FAM234A: variants seen among roughly 807,000 people sequenced by gnomAD.
FAM234A encodes the protein protein FAM234A.
Under a neutral mutation model 49.1 loss-of-function variants are expected in FAM234A, and 42 were observed. The ratio of observed to expected loss-of-function variants is 0.86; its 90% CI spans 0.67 to 1.11. FAM234A has a LOEUF of 1.11. Among genes scored for constraint, FAM234A ranks in the 50% least tolerant of loss-of-function variants. FAM234A has a pLI of 0.00. For synonymous variants in FAM234A, 369 were observed against 316.2 expected, an observed-to-expected ratio of 1.17 and a Z score of -1.77; for missense variants, 815 against 745.2, an observed-to-expected ratio of 1.09 and a Z score of -1.09.
intron 8 of FAM234A, among the ~76,000 whole-genome samples, chr16:263,051 C>G (rs916193478): frequency 6.6e-6 from 1 of 152,072 alleles, no homozygotes; most frequent in Non-Finnish European, 1.5e-5. Flanking sequence ...AACTTCTGAC[C>G]TCGTGATCCG....
At chr16:259,423 T>C in intron 3 of FAM234A, 60 bp from the exon 4 acceptor site, 2 of 968,954 alleles carry the variant, frequency 2.1e-6, no homozygotes, top group Non-Finnish European at 1.7e-6. Flanking sequence ...GTGCTGGACC[T>C]GATCGTTCCT....
downstream of FAM234A, chr16:269,530 G>GC: frequency 1.2e-6 from 2 of 1,613,398 alleles, no homozygotes; most frequent in Middle Eastern, 3.3e-4. Flanking sequence ...CGGGATCCCA[G>GC]CCTCTGCCAG....
chr16:245,824 C>A (rs980916138), intron 1 of FAM234A, among the ~76,000 whole-genome samples: 1 of 152,176 alleles, frequency 6.6e-6, no homozygotes, highest in Non-Finnish European at 1.5e-5. Context: ...ATGATTTCCA[C>A]CTTTGGGGTC....
chr16:267,518 C>T (rs200112912), downstream of FAM234A, among the ~76,000 whole-genome samples: 451 of 151,672 alleles, frequency 3.0e-3, 9 homozygotes, highest in East Asian at 0.069. Context: ...GCATCCTACA[C>T]GACACGTGCA....
rs79066631 is a variant in FAM234A, at chr16:237,211, T to C, written c.-140+2354T>C. ...GTGAGCCACCATGCCCACCCCTTCT[T>C]TTTCTTTTCAGGCTCCTTGCTTCCA... On this transcript the variant is annotated intron_variant, in intron 1 of 12. Coordinates refer to ENST00000399932, the MANE Select transcript of FAM234A (RefSeq NM_032039.4). 7.3e-3 allele frequency among the ~76,000 whole-genome samples: 1,116 copies of C among 152,236 alleles called. 15 individuals carry two copies. The highest frequency in any genetic ancestry group is 0.026 in the African/African-American group (1,068 of 41,544).
At chr16:257,609 T>G (rs534131724) in intron 3 of FAM234A, among the ~76,000 whole-genome samples, 1 of 152,228 alleles carries the variant, frequency 6.6e-6, no homozygotes, top group South Asian at 2.1e-4. Context: ...TTTCCCGTTT[T>G]TTTTTTCTAA....
chr16:269,702 G>T, downstream of FAM234A: 1 of 827,592 alleles, frequency 1.2e-6, no homozygotes, highest in East Asian at 2.6e-5. Flanking sequence ...GTCTCCGGCG[G>T]ACAGGGTGCT....
At chr16:256,115 A>G (rs2051221186) in intron 3 of FAM234A, among the ~76,000 whole-genome samples, 1 of 152,166 alleles carries the variant, frequency 6.6e-6, no homozygotes, top group Non-Finnish European at 1.5e-5. Flanking sequence ...TTGGCTGACG[A>G]TCACCTGGAT....
At chr16:249,426 C>T (rs1251841035) in intron 1 of FAM234A, 123 bp from the exon 2 acceptor site, 1 of 151,998 alleles carries the variant, frequency 6.6e-6, no homozygotes. Flanking sequence ...TGCGAAAGCA[C>T]CCAAGTTATT....
downstream of FAM234A, chr16:269,640 G>C: frequency 7.4e-7 from 1 of 1,356,806 alleles, no homozygotes; most frequent in Non-Finnish European, 1.0e-6. Context: ...CTCTCAGCCA[G>C]CTCCACCCGA....
At position 244,219 on chromosome 16, in the gene FAM234A, TG is replaced by T. The variant is rs964418718; in HGVS notation, c.-139-5328del. Among the ~76,000 whole-genome samples the T allele has an allele frequency of 2.9e-3, 438 of 152,188 alleles. 2 individuals are homozygous for T. The highest frequency in any genetic ancestry group is 1.0e-2 in the African/African-American group (415 of 41,516). On this transcript the variant is annotated intron_variant, in intron 1 of 12. Transcript: ENST00000399932. ...TCCTGACCTTGTGATCCACCCGCCT[TG>T]GCCTCCCAAAGTGCTGGGATTACAG...
At position 249,595 on chromosome 16, in the gene FAM234A, G is replaced by A. The variant is rs1018163952; in HGVS notation, c.-93G>A. The stretch of plus-strand genomic sequence containing the variant: ...CACAGATTCCCCGTCCACAGCTCAC[G>A]ACCAGATGCACCAGCAGGAGTCCAC... On this transcript the variant is annotated 5_prime_UTR_variant, in exon 2 of 13. Coordinates refer to ENST00000399932, the MANE Select transcript of FAM234A (RefSeq NM_032039.4). The A allele has an allele frequency of 2.0e-5, 3 of 152,008 alleles. No homozygotes were observed. The highest frequency in any genetic ancestry group is 2.1e-4 in the South Asian group (1 of 4,830). The allele number at this position is 152,008 out of a possible 1,614,324, so 9.4% of individuals were successfully genotyped here. A position where few individuals can be genotyped will look rare whatever the true frequency, so the allele number is the denominator to read the frequency against.
intron 1 of FAM234A, among the ~76,000 whole-genome samples, chr16:242,766 C>G (rs1034105511): frequency 6.6e-6 from 1 of 151,726 alleles, no homozygotes; most frequent in South Asian, 2.1e-4. Flanking sequence ...ATGCACATCA[C>G]CACGCCTGGT....
intron 2 of FAM234A, among the ~76,000 whole-genome samples, chr16:251,713 T>C (rs559031752): frequency 1.7e-5 from 2 of 119,924 alleles, no homozygotes; most frequent in African/African-American, 3.5e-5. Context: ...TTTTAAGAGA[T>C]GGGGTCTTGG....
At chr16:251,193 T>C (rs567403355) in intron 2 of FAM234A, among the ~76,000 whole-genome samples, 2 of 152,272 alleles carry the variant, frequency 1.3e-5, no homozygotes, top group South Asian at 2.1e-4. Context: ...CCTGACCTCG[T>C]AATCCTCCCG....
chr16:264,510 G>T, intron 11 of FAM234A, 104 bp from the exon 12 acceptor site: 1 of 870,720 alleles, frequency 1.1e-6, no homozygotes, highest in Non-Finnish European at 1.8e-6. Flanking sequence ...ACCCAGATAG[G>T]GCCCCTAGCA....
chr16:264,545 C>G, intron 11 of FAM234A, 69 bp from the exon 12 acceptor site: 4 of 1,064,806 alleles, frequency 3.8e-6, no homozygotes, highest in East Asian at 2.4e-5. Context: ...GGCACGGTCA[C>G]TCTGACAGCA....
intron 2 of FAM234A, 197 bp from the exon 3 acceptor site, chr16:254,184 T>C: frequency 1.8e-6 from 1 of 568,494 alleles, no homozygotes; most frequent in South Asian, 2.1e-5. Flanking sequence ...CTTTCCACAC[T>C]AATTAGAGAC....
chr16:264,299 ACAGT>A (rs962145079), intron 11 of FAM234A, 128 bp downstream of exon 11: 21 of 1,059,330 alleles, frequency 2.0e-5, no homozygotes, highest in South Asian at 1.1e-4. Context: ...AAGTCCAGTG[ACAGT>A]CAGGATGAGG....
Sources: gnomAD v4.1 joint callset for allele counts (sites outside exome capture counted in the v4.1 genomes callset) on GRCh38, gnomAD v4.1.1 for gene constraint, MANE v1.5 for transcripts, NCBI Gene and HGNC (gene_info 2026-07-23, HGNC 2026-07-21) for gene names.